Variants in SLC25A48 observed in about 807,000 individuals in gnomAD.
SLC25A48 encodes the protein CTC-321K16.1.
In SLC25A48, 29 loss-of-function variants were observed where a neutral mutation model predicts 32.2. That is an observed-to-expected ratio of 0.90 (90% CI 0.67 to 1.23). The LOEUF (loss-of-function observed/expected upper bound fraction) is 1.23. Among genes scored for constraint, SLC25A48 ranks in the 50% most tolerant of loss-of-function variants. SLC25A48 has a pLI of 0.00. For missense variants in SLC25A48, 399 were observed against 422.7 expected (o/e 0.94, Z 0.49); for synonymous variants, 164 against 172.3 (o/e 0.95, Z 0.38).
chr5:135,801,786 G>T (rs1757333858), intron 3 of SLC25A48, among the ~76,000 whole-genome samples: 1 of 151,692 alleles, frequency 6.6e-6, no homozygotes, highest in South Asian at 2.1e-4. Flanking sequence ...CAGGGAGAAA[G>T]GGAATAATAT....
intron 3 of SLC25A48, among the ~76,000 whole-genome samples, chr5:135,768,894 G>C (rs959918877): frequency 2.0e-5 from 3 of 151,834 alleles, no homozygotes; most frequent in African/African-American, 7.3e-5. Context: ...TCCAGAGAAA[G>C]TGATGATGAC....
At chr5:135,821,546 C>T (rs1757886939) in intron 4 of SLC25A48, among the ~76,000 whole-genome samples, 2 of 152,170 alleles carry the variant, frequency 1.3e-5, no homozygotes, top group African/African-American at 4.8e-5. Context: ...GGCAGAAGTC[C>T]CAGGTGAGCT....
At chr5:135,699,539 G>A (rs905318126) in intron 3 of SLC25A48, among the ~76,000 whole-genome samples, 3 of 152,174 alleles carry the variant, frequency 2.0e-5, no homozygotes, top group South Asian at 2.1e-4. Context: ...GAGGCAGAGC[G>A]TGATTGAAAA....
intron 3 of SLC25A48, among the ~76,000 whole-genome samples, chr5:135,721,192 CTTTTTTTTTTTTTTTTTT>C (rs757412641): frequency 1.7e-4 from 9 of 53,866 alleles, no homozygotes; most frequent in African/African-American, 5.4e-4. Context: ...CATGCCTGGC[CTTTTTTTTTTTTTTTTTT>C]TTTTTTTTTT....
At chr5:135,667,805 C>T (rs1445881696) in intron 3 of SLC25A48, among the ~76,000 whole-genome samples, 2 of 152,210 alleles carry the variant, frequency 1.3e-5, no homozygotes, top group Admixed American at 1.3e-4. Flanking sequence ...CTTGGTGAAA[C>T]ACCTTCATTG....
intron 4 of SLC25A48, among the ~76,000 whole-genome samples, chr5:135,854,601 T>C (rs751364995): frequency 2.0e-5 from 3 of 152,224 alleles, no homozygotes; most frequent in South Asian, 4.1e-4. Context: ...AGGAGAGTTA[T>C]GTCCTTTCTC....
At chr5:135,722,575 A>G (rs146547964) in intron 3 of SLC25A48, among the ~76,000 whole-genome samples, 337 of 152,348 alleles carry the variant, frequency 2.2e-3, no homozygotes, top group African/African-American at 7.6e-3. Flanking sequence ...TGTGGCCTTG[A>G]ATCTTAGGCA....
chr5:135,854,635 A>T (rs1760160993), intron 4 of SLC25A48, among the ~76,000 whole-genome samples: 1 of 152,206 alleles, frequency 6.6e-6, no homozygotes, highest in African/African-American at 2.4e-5. Flanking sequence ...GGCTTAAGGG[A>T]AAGTTGTGGC....
chr5:135,782,067 T>C (rs1756728526), intron 3 of SLC25A48, among the ~76,000 whole-genome samples: 1 of 115,210 alleles, frequency 8.7e-6, no homozygotes, highest in Non-Finnish European at 2.1e-5. Context: ...TGTGATACTG[T>C]TTTTAATACC....
chr5:135,761,928 G>T (rs1756070486), intron 3 of SLC25A48, among the ~76,000 whole-genome samples: 2 of 152,328 alleles, frequency 1.3e-5, no homozygotes, highest in Admixed American at 1.3e-4. Context: ...TGCCCAGATT[G>T]TTTTAAGACA....
At chr5:135,598,484 C>T (rs1751711469) in intron 1 of SLC25A48, among the ~76,000 whole-genome samples, 1 of 152,146 alleles carries the variant, frequency 6.6e-6, no homozygotes. Context: ...TGAGGTTCAT[C>T]AATATGAAAA....
chr5:135,634,168 G>T (rs1013210424), intron 2 of SLC25A48, among the ~76,000 whole-genome samples: 2 of 152,204 alleles, frequency 1.3e-5, no homozygotes, highest in African/African-American at 4.8e-5. Context: ...TGGTGTGGGG[G>T]TGCTGTGTGT....
At chr5:135,742,189 C>T (rs911610302) in intron 3 of SLC25A48, among the ~76,000 whole-genome samples, 3 of 152,198 alleles carry the variant, frequency 2.0e-5, no homozygotes, top group Non-Finnish European at 2.9e-5. Flanking sequence ...CAGTGATTCT[C>T]ATGGCTCATC....
intron 4 of SLC25A48, among the ~76,000 whole-genome samples, chr5:135,868,439 AAGAT>A (rs1761372437): frequency 6.6e-6 from 1 of 152,228 alleles, no homozygotes; most frequent in African/African-American, 2.4e-5. Flanking sequence ...GGCATGCATG[AAGAT>A]CAAATGACAA....
chr5:135,875,061 C>A (rs778213510), intron 6 of SLC25A48: 9 of 241,904 alleles, frequency 3.7e-5, no homozygotes, highest in Non-Finnish European at 6.3e-5. Context: ...CAATATGTAA[C>A]CCATAGGGAA....
intron 3 of SLC25A48, among the ~76,000 whole-genome samples, chr5:135,812,194 G>T (rs1419024782): frequency 2.0e-5 from 3 of 152,072 alleles, no homozygotes; most frequent in Admixed American, 2.0e-4. Flanking sequence ...TACATAGTAG[G>T]TGTATATATT....
intron 6 of SLC25A48, chr5:135,875,010 AG>A (rs1051938105): frequency 5.5e-6 from 2 of 361,276 alleles, no homozygotes; most frequent in African/African-American, 4.2e-5. Flanking sequence ...CCTTCCATGA[AG>A]GGCGGGGCAT....
intron 1 of SLC25A48, among the ~76,000 whole-genome samples, chr5:135,836,550 G>A (rs548516157): frequency 6.6e-6 from 1 of 152,146 alleles, no homozygotes; most frequent in East Asian, 1.9e-4. Flanking sequence ...TTACAAAGAG[G>A]TGCAACCATC....
intron 3 of SLC25A48, among the ~76,000 whole-genome samples, chr5:135,754,402 C>T (rs574364072): frequency 6.6e-6 from 1 of 151,992 alleles, no homozygotes; most frequent in African/African-American, 2.4e-5. Context: ...TGGTATTTAT[C>T]ATATTACAGT....
Sources: gnomAD v4.1 joint callset for allele counts (sites outside exome capture counted in the v4.1 genomes callset) on GRCh38, gnomAD v4.1.1 for gene constraint, MANE v1.5 for transcripts, NCBI Gene and HGNC (gene_info 2026-07-23, HGNC 2026-07-21) for gene names.